SEPTIN9: variants seen among roughly 807,000 people sequenced by gnomAD.
SEPTIN9 encodes the protein septin-9.
SEPTIN9 carries 13 observed loss-of-function variants against 56.6 expected under a neutral mutation model. The ratio of observed to expected loss-of-function variants is 0.23; its 90% CI spans 0.15 to 0.37. The LOEUF (loss-of-function observed/expected upper bound fraction) is 0.37, where lower values mean the gene tolerates loss of function less well. Ranked by LOEUF, SEPTIN9 falls within the 10% of genes least tolerant of loss-of-function variation. The probability of loss-of-function intolerance (pLI) is 1.00; values close to 1 mark genes in which losing one functional copy is unlikely to be tolerated. For missense variants in SEPTIN9, 650 were observed against 823.1 expected (o/e 0.79, Z 2.57); for synonymous variants, 332 against 334.1 (o/e 0.99, Z 0.07).
chr17:77,304,592 G>T (rs1031860135), intron 1 of SEPTIN9, among the ~76,000 whole-genome samples: 2 of 152,156 alleles, frequency 1.3e-5, no homozygotes, highest in African/African-American at 4.8e-5. Flanking sequence ...AGCCTTTGTC[G>T]CCGGCATCCC....
intron 3 of SEPTIN9, among the ~76,000 whole-genome samples, chr17:77,403,357 G>A (rs1329353892): frequency 2.0e-5 from 3 of 152,232 alleles, no homozygotes; most frequent in Admixed American, 6.5e-5. Flanking sequence ...GGACCAGGGG[G>A]CTGTGTGATA....
rs568308445 is a variant in SEPTIN9, at chr17:77,454,440, C to T, written c.722-27704C>T. On this transcript the variant is annotated intron_variant, in intron 3 of 11. Transcript: ENST00000427177. ...GGGCTCCCGAGGGTGGCGGCCATGC[C>T]CAGTCCGCTGTACGTGTGAGTTTGT... 9 of 900,964 alleles carry T rather than the reference C, an allele frequency of 1.0e-5. No individual in the cohort carries two copies. The African/African-American group carries it at 1.1e-4, about 11-fold the overall frequency. The allele number at this position is 900,964 out of a possible 1,614,324, so 55.8% of individuals were successfully genotyped here.
At position 77,433,768 on chromosome 17, in the gene SEPTIN9, G is replaced by A. The variant is rs756585428; in HGVS notation, c.721+31065G>A. ...CCGTTCCCTGTGAGTTAGATGGGGA[G>A]TGCACCCCTGCCCTCCCCTCCTGGG... On this transcript the variant is annotated intron_variant, in intron 3 of 11. Transcript: ENST00000427177. This position sits in a 1 kb window ranked among gnomAD's most constrained non-coding sequence, Gnocchi z 6.4. 3.3e-5 allele frequency among the ~76,000 whole-genome samples: 5 copies of A among 152,112 alleles called. No individual in the cohort carries two copies. Among genetic ancestry groups the A allele is most frequent in the Non-Finnish European group, 7.4e-5 (5 of 67,990 alleles).
chr17:77,285,905 C>T (rs1014793508), intron 1 of SEPTIN9, among the ~76,000 whole-genome samples: 7 of 152,338 alleles, frequency 4.6e-5, no homozygotes, highest in East Asian at 1.9e-4. Context: ...AGCTGACTTA[C>T]GGGAAGGGCA....
At chr17:77,460,164 C>T (rs2038402207) in intron 3 of SEPTIN9, among the ~76,000 whole-genome samples, 1 of 151,980 alleles carries the variant, frequency 6.6e-6, no homozygotes, top group Admixed American at 6.6e-5. Context: ...CACGTGACCT[C>T]TCTGTGCGTG....
rs1419937116 is a variant in SEPTIN9 at position 77,498,819 on chromosome 17, G to A, written c.*161G>A. On this transcript the variant is annotated 3_prime_UTR_variant, in exon 12 of 12. Transcript: ENST00000427177. Reference sequence around the variant, plus strand: ...GAAACAAGGGAAGGGGCCTCCCTCCGAGTGAGTCAGTGATGAGGCCGCGGC... The same window carrying A: ...GAAACAAGGGAAGGGGCCTCCCTCCAAGTGAGTCAGTGATGAGGCCGCGGC... 25 of 625,692 alleles carry A rather than the reference G, an allele frequency of 4.0e-5. No individual in the cohort carries two copies. The highest frequency in any genetic ancestry group is 1.4e-4 in the South Asian group (9 of 64,434). 38.8% of individuals were successfully genotyped at this position (625,692 alleles called of 1,614,324 possible). A position where few individuals can be genotyped will look rare whatever the true frequency, so the allele number is the denominator to read the frequency against.
Position 77,481,009 on chromosome 17 carries a change from C to T in SEPTIN9, c.722-1135C>T, listed in dbSNP as rs181265060. 4.4e-4 allele frequency among the ~76,000 whole-genome samples: 67 copies of T among 152,302 alleles called. 1 individual carries two copies. The highest frequency in any genetic ancestry group is 3.0e-3 in the Admixed American group (46 of 15,306). ...CCAGCGAGTTGTCTGCACCTGCATG[C>T]GCATGCACCAGTGAGTGTGGCGAGT... On this transcript the variant is annotated intron_variant, in intron 3 of 11. Coordinates refer to ENST00000427177, the MANE Select transcript of SEPTIN9 (RefSeq NM_001113491.2).
chr17:77,466,107 C>CAT (rs2038713490), intron 3 of SEPTIN9, among the ~76,000 whole-genome samples: 1 of 137,992 alleles, frequency 7.2e-6, no homozygotes, highest in Non-Finnish European at 1.6e-5. Flanking sequence ...CACACACACA[C>CAT]GAGTAAACTG....
intron 2 of SEPTIN9, among the ~76,000 whole-genome samples, chr17:77,351,766 C>T (rs932410393): frequency 6.6e-6 from 1 of 152,246 alleles, no homozygotes; most frequent in East Asian, 1.9e-4. Flanking sequence ...AAATAAAGCA[C>T]AGGTCCCCCA....
At chr17:77,438,653 C>T (rs12600491) in intron 3 of SEPTIN9, among the ~76,000 whole-genome samples, 3,807 of 152,300 alleles carry the variant, frequency 0.025, 84 homozygotes, top group African/African-American at 0.059. Context: ...TGCAGGAAAA[C>T]GCAGTCTCCC....
chr17:77,397,235 C>T (rs1400239333), intron 2 of SEPTIN9, among the ~76,000 whole-genome samples: 1 of 152,180 alleles, frequency 6.6e-6, no homozygotes, highest in Non-Finnish European at 1.5e-5. Flanking sequence ...GAGGGGAGGA[C>T]CCTTCCTTGC....
At chr17:77,398,713 A>G (rs960150343) in intron 2 of SEPTIN9, among the ~76,000 whole-genome samples, 6 of 152,174 alleles carry the variant, frequency 3.9e-5, no homozygotes, top group African/African-American at 9.7e-5. Context: ...ACACAGTTGT[A>G]TTCTCTTGCA....
chr17:77,419,678 G>C (rs2036629039), intron 3 of SEPTIN9: 1 of 149,918 alleles, frequency 6.7e-6, no homozygotes, highest in South Asian at 2.2e-4. Context: ...GGCCGTGCCG[G>C]CACCTGCTGA....
At chr17:77,366,955 G>A (rs976545536) in intron 2 of SEPTIN9, among the ~76,000 whole-genome samples, 5 of 152,220 alleles carry the variant, frequency 3.3e-5, no homozygotes, top group East Asian at 1.9e-4. Context: ...AGCTCAGGCC[G>A]CTGTGGTCAG....
At chr17:77,308,921 G>A (rs868683260) in intron 2 of SEPTIN9, among the ~76,000 whole-genome samples, 1 of 152,264 alleles carries the variant, frequency 6.6e-6, no homozygotes, top group African/African-American at 2.4e-5. Context: ...GAAGAGGGGG[G>A]TGATGCTCTG....
rs1327905982 is a variant in SEPTIN9, at chr17:77,421,510, G to T, written c.721+18807G>T. On this transcript the variant is annotated intron_variant, in intron 3 of 11. Coordinates refer to ENST00000427177, the MANE Select transcript of SEPTIN9 (RefSeq NM_001113491.2). This position sits in a 1 kb window ranked among gnomAD's most constrained non-coding sequence, Gnocchi z 4.6. ...GAGATGAGGGCTCCAGGTTGGCTCC[G>T]GCAAGAGCAGGGAGGCTCACGTCTC... Among the ~76,000 whole-genome samples the T allele has an allele frequency of 6.6e-6, 1 of 152,172 alleles. No homozygotes were observed. Among genetic ancestry groups the T allele is most frequent in the African/African-American group, 2.4e-5 (1 of 41,442 alleles).
At chr17:77,308,374 A>G (rs1400467651) in intron 2 of SEPTIN9, among the ~76,000 whole-genome samples, 1 of 152,238 alleles carries the variant, frequency 6.6e-6, no homozygotes, top group South Asian at 2.1e-4. Context: ...CAAGGCGCCT[A>G]CGGGGGCAAG....
At chr17:77,395,712 CAT>C (rs1339314310) in intron 2 of SEPTIN9, among the ~76,000 whole-genome samples, 1 of 152,122 alleles carries the variant, frequency 6.6e-6, no homozygotes, top group Non-Finnish European at 1.5e-5. Context: ...GCAAACTGCA[CAT>C]GTGTGTATGA....
Position 77,492,874 on chromosome 17 carries a change from C to T in SEPTIN9, c.1477-106C>T. On this transcript the variant is annotated intron_variant, in intron 9 of 11. Transcript: ENST00000427177. This position sits in a 1 kb window ranked among gnomAD's most constrained non-coding sequence, Gnocchi z 5.4. ...TACCCAGTGCTGTCAGGCTGAGGCT[C>T]TCGTTTTTGGGGGACCCCAGGCTCA... The T allele has an allele frequency of 8.0e-7, 1 of 1,256,300 alleles. No homozygotes were observed. Among genetic ancestry groups the T allele is most frequent in the Non-Finnish European group, 1.1e-6 (1 of 869,968 alleles). The allele number at this position is 1,256,300 out of a possible 1,614,324, so 77.8% of individuals were successfully genotyped here. A position where few individuals can be genotyped will look rare whatever the true frequency, so the allele number is the denominator to read the frequency against.
Sources: allele counts gnomAD v4.1 joint callset (sites outside exome capture counted in the v4.1 genomes callset), GRCh38; gene constraint gnomAD v4.1.1; non-coding constraint Gnocchi (gnomAD v3.1); transcripts MANE v1.5; gene names NCBI Gene and HGNC (gene_info 2026-07-23, HGNC 2026-07-21).